PDE4D: variants seen among roughly 807,000 people sequenced by gnomAD.
PDE4D encodes the protein phosphodiesterase 4D.
In PDE4D, 24 loss-of-function variants were observed where a neutral mutation model predicts 87.4. The observed-to-expected ratio is 0.27, with a 90% CI of 0.20 to 0.39. PDE4D has a LOEUF of 0.39. PDE4D is among the 10% of genes least tolerant of loss of function. The pLI is 1.00. For missense variants in PDE4D, 714 were observed against 1,041.0 expected (o/e 0.69, Z 4.32); for synonymous variants, 384 against 383.2 (o/e 1.00, Z -0.02).
chr5:59,748,776 A>T (rs1312563617), intron 1 of PDE4D, among the ~76,000 whole-genome samples: 1 of 152,196 alleles, frequency 6.6e-6, no homozygotes, highest in Non-Finnish European at 1.5e-5. Context: ...CACGCTGTGC[A>T]CATGTTCCCT....
rs954970783 is a variant in PDE4D, at chr5:60,515,601, C to CTTTTTTTT, written n.70+6442_70+6449dup. On this transcript the variant is annotated intron_variant and non_coding_transcript_variant, in intron 1 of 2. Coordinates refer to the PDE4D transcript ENST00000506510. ...CTGAGCTTTCTTTCCTTTTCTTTTT[C>CTTTTTTTT]TTTTTTTTTTTTTTTTTTCTGTCAG... Among the ~76,000 whole-genome samples, 147 of 106,718 alleles carry CTTTTTTTT rather than the reference C, an allele frequency of 1.4e-3. 1 individual carries two copies. The highest frequency in any genetic ancestry group is 3.0e-3 in the African/African-American group (95 of 31,418). 70.0% of individuals were successfully genotyped at this position (106,718 alleles called of 152,430 possible).
At chr5:59,870,999 T>C (rs1747742947) in intron 1 of PDE4D, among the ~76,000 whole-genome samples, 4 of 152,182 alleles carry the variant, frequency 2.6e-5, no homozygotes, top group Admixed American at 2.6e-4. Flanking sequence ...TGCATAAACA[T>C]AGAACACGAT....
intron 1 of PDE4D, among the ~76,000 whole-genome samples, chr5:59,426,012 G>A (rs1795149302): frequency 6.6e-6 from 1 of 152,132 alleles, no homozygotes; most frequent in African/African-American, 2.4e-5. Flanking sequence ...TTTAGGGTGG[G>A]CCTTAATCCA....
In PDE4D at chr5:59,595,478, G is replaced by T. The variant is rs372252196; in HGVS notation, c.455+297690C>A. Among the ~76,000 whole-genome samples, 6 of 152,178 alleles carry T rather than the reference G, an allele frequency of 3.9e-5. 1 individual carries two copies. In the South Asian group the frequency reaches 6.2e-4, roughly 16 times the overall value. On this transcript the variant is annotated intron_variant, in intron 1 of 14. Transcript: ENST00000340635. ...TCTTCCTCCCCTCCAGGAATAGTGG[G>T]TTTACCACCGATTTTTATGTTGTTG...
At chr5:59,655,454 T>C (rs1309786544) in intron 1 of PDE4D, among the ~76,000 whole-genome samples, 1 of 152,196 alleles carries the variant, frequency 6.6e-6, no homozygotes, top group Non-Finnish European at 1.5e-5. Flanking sequence ...AAATGTAATG[T>C]TGGAAAAGTA....
chr5:59,751,876 C>T (rs1035764762), intron 1 of PDE4D, among the ~76,000 whole-genome samples: 18 of 152,118 alleles, frequency 1.2e-4, no homozygotes, highest in African/African-American at 4.3e-4. Context: ...GCCCCTCTCT[C>T]TTTGTGAAAT....
chr5:59,201,082 G>C (rs1031091212), intron 2 of PDE4D, among the ~76,000 whole-genome samples: 5 of 151,966 alleles, frequency 3.3e-5, no homozygotes, highest in Non-Finnish European at 4.4e-5. Context: ...GTATTAAAAT[G>C]TAAGCATTGA....
rs146230458 is a variant in PDE4D, at chr5:59,945,068, A to C, written c.272+43420T>G. On this transcript the variant is annotated intron_variant, in intron 3 of 16. Transcript: ENST00000502484. Reference sequence around the variant, plus strand: ...TTTCTAGGATATTATTAAGTATATTAATCTATTGAGAAGCAATAAAATTTC... The same window carrying C: ...TTTCTAGGATATTATTAAGTATATTCATCTATTGAGAAGCAATAAAATTTC... 5.8e-3 allele frequency among the ~76,000 whole-genome samples: 889 copies of C among 152,330 alleles called. 6 individuals carry two copies. Among genetic ancestry groups the C allele is most frequent in the African/African-American group, 0.02 (825 of 41,568 alleles).
chr5:60,451,888 A>G (rs907814608), intron 1 of PDE4D, among the ~76,000 whole-genome samples: 5 of 152,094 alleles, frequency 3.3e-5, no homozygotes, highest in Admixed American at 6.6e-5. Context: ...GTTTGTTGAA[A>G]AGTTATGCTA....
At chr5:59,872,703 G>T (rs1177675823) in intron 1 of PDE4D, among the ~76,000 whole-genome samples, 2 of 152,154 alleles carry the variant, frequency 1.3e-5, no homozygotes, top group Non-Finnish European at 2.9e-5. Context: ...TGGTCTCAGG[G>T]AGTGTGCACA....
chr5:59,145,269 A>C (rs557199580), intron 5 of PDE4D, among the ~76,000 whole-genome samples: 9 of 152,276 alleles, frequency 5.9e-5, no homozygotes, highest in African/African-American at 2.2e-4. Flanking sequence ...TACCAAGTAA[A>C]TATTTGGGAA....
chr5:59,235,033 G>C (rs1484644447), intron 1 of PDE4D, among the ~76,000 whole-genome samples: 4 of 151,926 alleles, frequency 2.6e-5, no homozygotes, highest in Non-Finnish European at 4.4e-5. Context: ...AGTTAAATTT[G>C]ACAAGAGGAA....
At chr5:58,988,459 A>T in intron 11 of PDE4D, 34 bp downstream of exon 11, 1 of 918,160 alleles carries the variant, frequency 1.1e-6, no homozygotes, top group Non-Finnish European at 1.6e-6. Context: ...TGTACAAGGG[A>T]AAAATGTGTT....
chr5:59,141,601 C>T (rs1470220754), intron 5 of PDE4D, among the ~76,000 whole-genome samples: 7 of 152,142 alleles, frequency 4.6e-5, no homozygotes, highest in Admixed American at 4.6e-4. Flanking sequence ...ACTTATAGAC[C>T]GGGCTTTTTT....
chr5:60,029,564 G>C (rs1436399839), intron 2 of PDE4D, among the ~76,000 whole-genome samples: 2 of 151,988 alleles, frequency 1.3e-5, no homozygotes, highest in Non-Finnish European at 1.5e-5. Flanking sequence ...AACCACCTTG[G>C]GTATATATTG....
chr5:60,354,937 T>C (rs1759495422), intron 1 of PDE4D, among the ~76,000 whole-genome samples: 1 of 152,144 alleles, frequency 6.6e-6, no homozygotes, highest in Admixed American at 6.6e-5. Context: ...TTGCAATAAA[T>C]CATGTGAGAA....
At chr5:59,300,840 A>G in intron 1 of PDE4D, among the ~76,000 whole-genome samples, 1 of 152,274 alleles carries the variant, frequency 6.6e-6, no homozygotes, top group East Asian at 1.9e-4. Context: ...GGAGCTTCTA[A>G]CCGGCCACCT....
chr5:58,993,295 G>C lies in PDE4D; in HGVS notation c.1015+77C>G. 5 of 737,174 alleles carry C rather than the reference G, an allele frequency of 6.8e-6. No homozygotes were observed. In the East Asian group the frequency reaches 1.4e-4, roughly 20 times the overall value. 45.7% of individuals were successfully genotyped at this position (737,174 alleles called of 1,614,324 possible). ...ACTTGTTTGGTTTCCAAAATGAGTT[G>C]GCACCCCAATCCTCCTACAAAAACA... On this transcript the variant is annotated intron_variant, in intron 7 of 14. Coordinates refer to ENST00000340635, the MANE Select transcript of PDE4D (RefSeq NM_001104631.2).
chr5:59,018,587 C>T (rs564442497), intron 6 of PDE4D, among the ~76,000 whole-genome samples: 9 of 152,090 alleles, frequency 5.9e-5, no homozygotes, highest in African/African-American at 1.4e-4. Context: ...GTTAAACATG[C>T]GCTATCACCT....
Sources: gnomAD v4.1 joint callset for allele counts (sites outside exome capture counted in the v4.1 genomes callset) on GRCh38, gnomAD v4.1.1 for gene constraint, MANE v1.5 for transcripts, NCBI Gene and HGNC (gene_info 2026-07-23, HGNC 2026-07-21) for gene names.